Variants in SGCZ observed in about 807,000 individuals in gnomAD.
SGCZ encodes sarcoglycan zeta.
SGCZ carries 40 observed loss-of-function variants against 41.3 expected under a neutral mutation model. The observed-to-expected ratio is 0.97, with a 90% CI of 0.75 to 1.26. SGCZ has a LOEUF of 1.26. SGCZ is among the 50% of genes most tolerant of loss of function. The pLI is 0.00. For missense variants in SGCZ, 552 were observed against 369.8 expected (o/e 1.49, Z -4.04); for synonymous variants, 206 against 137.5 (o/e 1.50, Z -3.49).
At chr8:14,518,342 G>A (rs1802687067) in intron 2 of SGCZ, among the ~76,000 whole-genome samples, 1 of 151,990 alleles carries the variant, frequency 6.6e-6, no homozygotes, top group African/African-American at 2.4e-5. Flanking sequence ...ATGCTAGTGT[G>A]TATGTATGTG....
At chr8:14,110,669 A>T (rs574294161) in intron 5 of SGCZ, among the ~76,000 whole-genome samples, 1 of 152,312 alleles carries the variant, frequency 6.6e-6, no homozygotes, top group Admixed American at 6.5e-5. Flanking sequence ...AAGGTACAAA[A>T]TTAATAAGCA....
chr8:14,188,824 G>GTTTTTTTTTTTTTTT (rs145555540), intron 4 of SGCZ, among the ~76,000 whole-genome samples: 4 of 62,394 alleles, frequency 6.4e-5, no homozygotes, highest in Non-Finnish European at 2.6e-5. Context: ...TTGTTTCTTT[G>GTTTTTTTTTTTTTTT]TTTTTTTTTG....
At chr8:15,012,634 A>G (rs1360532179) in intron 1 of SGCZ, among the ~76,000 whole-genome samples, 1 of 107,462 alleles carries the variant, frequency 9.3e-6, no homozygotes, top group Non-Finnish European at 1.9e-5. Flanking sequence ...TAATATATAA[A>G]CATATAAAAC....
At chr8:14,658,930 A>T (rs1172282445) in intron 1 of SGCZ, among the ~76,000 whole-genome samples, 4 of 152,078 alleles carry the variant, frequency 2.6e-5, no homozygotes, top group Non-Finnish European at 4.4e-5. Context: ...GGGAGACAGG[A>T]AGGAAAAAGA....
intron 4 of SGCZ, among the ~76,000 whole-genome samples, chr8:14,180,038 C>CAA (rs1804670640): frequency 6.6e-6 from 1 of 152,000 alleles, no homozygotes; most frequent in Non-Finnish European, 1.5e-5. Flanking sequence ...CGATTTGTGG[C>CAA]AAAAATAACC....
chr8:14,548,200 G>C (rs993873310), intron 2 of SGCZ, among the ~76,000 whole-genome samples: 15 of 152,252 alleles, frequency 9.9e-5, no homozygotes, highest in African/African-American at 3.1e-4. Context: ...AGGTAATAGA[G>C]CTAATAAATG....
chr8:15,118,824 T>C (rs1585582723), intron 1 of SGCZ, among the ~76,000 whole-genome samples: 1 of 152,152 alleles, frequency 6.6e-6, no homozygotes, highest in South Asian at 2.1e-4. Context: ...ATCAGCTCCA[T>C]AGTTATAAAT....
At chr8:14,480,895 T>G (rs1801517351) in intron 2 of SGCZ, among the ~76,000 whole-genome samples, 1 of 152,028 alleles carries the variant, frequency 6.6e-6, no homozygotes, top group East Asian at 1.9e-4. Context: ...ACTCCTGAAC[T>G]TAAAAGTTTG....
chr8:14,251,002 G>A (rs1355680238), intron 3 of SGCZ, among the ~76,000 whole-genome samples: 5 of 152,074 alleles, frequency 3.3e-5, no homozygotes, highest in African/African-American at 9.7e-5. Context: ...CTGAGGTGGA[G>A]GGATCACCTG....
Position 14,730,273 on chromosome 8 carries a change from G to C in SGCZ, c.40-175347C>G, listed in dbSNP as rs141167168. 5.4e-4 allele frequency among the ~76,000 whole-genome samples: 82 copies of C among 152,154 alleles called. 2 individuals carry two copies. In the East Asian group the frequency reaches 0.016, roughly 29 times the overall value. ...TTAATATATTATTGCTTATTCATTT[G>C]AGAAAAAATATAGATATAGAGAAAA... On this transcript the variant is annotated intron_variant, in intron 1 of 7. Transcript: ENST00000382080.
chr8:14,587,515 A>G (rs1021642718), intron 1 of SGCZ, among the ~76,000 whole-genome samples: 4 of 152,158 alleles, frequency 2.6e-5, no homozygotes, highest in African/African-American at 9.7e-5. Flanking sequence ...ACCAAAAATT[A>G]ATTTTAAGAT....
intron 1 of SGCZ, among the ~76,000 whole-genome samples, chr8:14,802,863 G>C (rs890292891): frequency 2.6e-5 from 4 of 152,090 alleles, no homozygotes; most frequent in Non-Finnish European, 5.9e-5. Flanking sequence ...CCTGTTACAG[G>C]CACTCAACTC....
At position 15,144,495 on chromosome 8, in the gene SGCZ, C is replaced by T. The variant is rs778746428; in HGVS notation, c.39+93090G>A. The stretch of plus-strand genomic sequence containing the variant: ...ACTTTTTTTTTTTTTGACTAAGTCT[C>T]GCTCAGTCACCCAGGCTTCAGTGCA... On this transcript the variant is annotated intron_variant, in intron 1 of 7. Transcript: ENST00000382080. Among the ~76,000 whole-genome samples, 7 of 151,302 alleles carry T rather than the reference C, an allele frequency of 4.6e-5. No homozygotes were observed. The South Asian group carries it at 6.3e-4, about 14-fold the overall frequency.
chr8:15,057,140 C>T (rs1027502709), intron 1 of SGCZ, among the ~76,000 whole-genome samples: 33 of 152,190 alleles, frequency 2.2e-4, no homozygotes, highest in African/African-American at 8.0e-4. Context: ...GGCTGGAGCA[C>T]AGCACTTTCA....
chr8:14,297,833 C>G (rs1801064424), intron 3 of SGCZ, among the ~76,000 whole-genome samples: 1 of 151,808 alleles, frequency 6.6e-6, no homozygotes, highest in Non-Finnish European at 1.5e-5. Flanking sequence ...GAAACTATTT[C>G]AAACTTTTAG....
At chr8:14,437,247 C>T (rs747692401) in intron 2 of SGCZ, among the ~76,000 whole-genome samples, 6 of 152,040 alleles carry the variant, frequency 3.9e-5, no homozygotes, top group Admixed American at 2.6e-4. Flanking sequence ...CGGATTTTAA[C>T]GAAACCAATT....
At chr8:14,388,498 A>G (rs1335798775) in intron 2 of SGCZ, among the ~76,000 whole-genome samples, 3 of 152,202 alleles carry the variant, frequency 2.0e-5, no homozygotes, top group Non-Finnish European at 2.9e-5. Flanking sequence ...TAATTTTAAA[A>G]TAAATATGCA....
chr8:15,186,380 G>A (rs1800346177), intron 1 of SGCZ, among the ~76,000 whole-genome samples: 1 of 151,032 alleles, frequency 6.6e-6, no homozygotes, highest in Non-Finnish European at 1.5e-5. Context: ...GCTCCAGTCG[G>A]GTATTAAGTA....
chr8:14,579,157 C>T (rs1222807613), intron 1 of SGCZ, among the ~76,000 whole-genome samples: 4 of 152,106 alleles, frequency 2.6e-5, no homozygotes, highest in Non-Finnish European at 5.9e-5. Context: ...GCCCATTTCT[C>T]ATTTTTTATT....
Sources: allele counts gnomAD v4.1 joint callset (sites outside exome capture counted in the v4.1 genomes callset), GRCh38; gene constraint gnomAD v4.1.1; transcripts MANE v1.5; gene names NCBI Gene and HGNC (gene_info 2026-07-23, HGNC 2026-07-21).